Variants in CHCHD3 observed in about 807,000 individuals in gnomAD.
CHCHD3 encodes the protein coiled-coil-helix-coiled-coil-helix domain containing 3, also known as MICOS complex subunit MIC19.
A neutral mutation model predicts 38.2 loss-of-function variants in CHCHD3; 20 were observed. The observed-to-expected ratio is 0.52, with a 90% confidence interval of 0.37 to 0.76. The LOEUF is 0.76. CHCHD3 is among the 30% of genes least tolerant of loss of function. The probability of loss-of-function intolerance (pLI) is 0.00; values close to 1 mark genes in which losing one functional copy is unlikely to be tolerated. For synonymous variants in CHCHD3, 82 were observed against 100.0 expected (o/e 0.82, Z 1.07); for missense variants, 245 against 279.2 (o/e 0.88, Z 0.87).
intron 5 of CHCHD3, chr7:132,849,216 G>C (rs1375758158): frequency 6.6e-6 from 1 of 152,104 alleles, no homozygotes; most frequent in Non-Finnish European, 1.5e-5. Flanking sequence ...TGGCTCCCTA[G>C]GTAATCCAAA....
intron 4 of CHCHD3, chr7:132,887,138 C>T (rs903291263): frequency 2.3e-5 from 9 of 392,208 alleles, no homozygotes; most frequent in African/African-American, 1.9e-4. Flanking sequence ...AAATGCTTAA[C>T]TTGAGACACA....
intron 4 of CHCHD3, among the ~76,000 whole-genome samples, chr7:132,915,459 G>A (rs1267081978): frequency 1.3e-5 from 2 of 152,034 alleles, no homozygotes; most frequent in African/African-American, 4.8e-5. Context: ...CCCCATATCC[G>A]TCCCCTCCCT....
chr7:132,818,111 A>G (rs1463827392), intron 6 of CHCHD3, among the ~76,000 whole-genome samples: 1 of 152,158 alleles, frequency 6.6e-6, no homozygotes, highest in Non-Finnish European at 1.5e-5. Flanking sequence ...TTACAATTGC[A>G]CCGAATAACG....
At chr7:133,025,598 G>A (rs2117444246) in intron 2 of CHCHD3, among the ~76,000 whole-genome samples, 1 of 152,306 alleles carries the variant, frequency 6.6e-6, no homozygotes, top group South Asian at 2.1e-4. Flanking sequence ...TCCGCCTCCT[G>A]GGTTCAAGCA....
chr7:132,802,155 T>C (rs1806809557), intron 6 of CHCHD3, among the ~76,000 whole-genome samples: 1 of 152,196 alleles, frequency 6.6e-6, no homozygotes, highest in Non-Finnish European at 1.5e-5. Context: ...TTTTGCAATA[T>C]GTTTTTCTTT....
chr7:132,803,698 A>G (rs909137598), intron 6 of CHCHD3, among the ~76,000 whole-genome samples: 2 of 151,780 alleles, frequency 1.3e-5, no homozygotes, highest in Admixed American at 1.3e-4. Context: ...AGGAACTGGG[A>G]TAAGTTGAGG....
At chr7:132,810,343 C>T (rs1188212555) in intron 6 of CHCHD3, among the ~76,000 whole-genome samples, 1 of 152,312 alleles carries the variant, frequency 6.6e-6, no homozygotes, top group Non-Finnish European at 1.5e-5. Context: ...AGCATCCACA[C>T]GGTAACTCTG....
intron 3 of CHCHD3, among the ~76,000 whole-genome samples, chr7:132,997,421 A>G (rs1396966495): frequency 3.3e-5 from 5 of 152,142 alleles, no homozygotes; most frequent in African/African-American, 1.2e-4. Flanking sequence ...CTTCAGATAA[A>G]GCTCATAAGC....
At chr7:132,850,261 A>G (rs999328569) in intron 5 of CHCHD3, among the ~76,000 whole-genome samples, 1 of 152,186 alleles carries the variant, frequency 6.6e-6, no homozygotes, top group Non-Finnish European at 1.5e-5. Flanking sequence ...GTCACATTTC[A>G]TGAAAACCCC....
intron 5 of CHCHD3, chr7:132,845,064 T>G (rs1021927256): frequency 6.6e-6 from 1 of 152,216 alleles, no homozygotes; most frequent in Non-Finnish European, 1.5e-5. Flanking sequence ...TGGGCGATTG[T>G]TAGCAGTACA....
chr7:132,920,096 A>G (rs978485586), intron 4 of CHCHD3, among the ~76,000 whole-genome samples: 10 of 152,220 alleles, frequency 6.6e-5, no homozygotes, highest in African/African-American at 2.2e-4. Flanking sequence ...TGAGTAGTCC[A>G]TGGAGCAGGG....
At chr7:132,963,692 T>TACACACACACACAC (rs1174201921) in intron 4 of CHCHD3, among the ~76,000 whole-genome samples, 1,585 of 46,882 alleles carry the variant, frequency 0.034, 18 homozygotes, top group Non-Finnish European at 0.038. Flanking sequence ...CACAAACGAT[T>TACACACACACACAC]ATACACACAC....
chr7:132,951,362 G>A (rs1489898493), intron 4 of CHCHD3, among the ~76,000 whole-genome samples: 1 of 152,184 alleles, frequency 6.6e-6, no homozygotes, highest in African/African-American at 2.4e-5. Context: ...TATTTAGAAA[G>A]AAGCAATAGA....
intron 4 of CHCHD3, among the ~76,000 whole-genome samples, chr7:132,899,580 T>C (rs1809613182): frequency 6.6e-6 from 1 of 152,246 alleles, no homozygotes; most frequent in Non-Finnish European, 1.5e-5. Context: ...CATGTGTTTG[T>C]ATGTATCAGT....
At chr7:133,031,346 C>A (rs561750517) in intron 2 of CHCHD3, among the ~76,000 whole-genome samples, 1 of 152,000 alleles carries the variant, frequency 6.6e-6, no homozygotes, top group Non-Finnish European at 1.5e-5. Flanking sequence ...GAAATGACTC[C>A]AAAAGATGGA....
chr7:132,982,074 A>T, intron 3 of CHCHD3, among the ~76,000 whole-genome samples: 1 of 152,226 alleles, frequency 6.6e-6, no homozygotes, highest in African/African-American at 2.4e-5. Flanking sequence ...ATTTTTAAAC[A>T]GAAGAGCTAA....
rs543299124 is a variant in CHCHD3, at chr7:132,812,642, C to T, written c.525-16065G>A. On this transcript the variant is annotated intron_variant, in intron 6 of 7. Transcript: ENST00000262570. ...TTTGGTCTCTTACCCTCATCTCTAC[C>T]ACAATTCATTATCAAAACAACAACA... 1.3e-4 allele frequency among the ~76,000 whole-genome samples: 20 copies of T among 152,222 alleles called. No individual in the cohort carries two copies. The South Asian group carries it at 4.2e-3, about 32-fold the overall frequency.
chr7:132,983,280 G>A (rs1387066459), intron 3 of CHCHD3, among the ~76,000 whole-genome samples: 1 of 152,114 alleles, frequency 6.6e-6, no homozygotes, highest in Non-Finnish European at 1.5e-5. Context: ...CTGAGATCAC[G>A]CCATTGCACT....
At chr7:132,913,535 TG>T (rs1266265652) in intron 4 of CHCHD3, among the ~76,000 whole-genome samples, 1 of 152,226 alleles carries the variant, frequency 6.6e-6, no homozygotes, top group Non-Finnish European at 1.5e-5. Context: ...ACTCAGGCTC[TG>T]GCCACACACA....
Sources: gnomAD v4.1 joint callset for allele counts (sites outside exome capture counted in the v4.1 genomes callset) on GRCh38, gnomAD v4.1.1 for gene constraint, MANE v1.5 for transcripts, NCBI Gene and HGNC (gene_info 2026-07-23, HGNC 2026-07-21) for gene names.